Variants in KCNIP1 observed in about 807,000 individuals in gnomAD.
KCNIP1 encodes the protein A-type potassium channel modulatory protein KCNIP1.
In KCNIP1, 18 loss-of-function variants were observed where a neutral mutation model predicts 33.0. That is an observed-to-expected ratio of 0.55 (90% CI 0.38 to 0.81). The LOEUF (loss-of-function observed/expected upper bound fraction) is 0.81. KCNIP1 is among the 30% of genes least tolerant of loss of function. The pLI is 0.00. For missense variants in KCNIP1, 238 were observed against 271.6 expected (o/e 0.88, Z 0.87); for synonymous variants, 93 against 98.3 (o/e 0.95, Z 0.32).
intron 1 of KCNIP1, among the ~76,000 whole-genome samples, chr5:170,610,772 T>C (rs912091470): frequency 6.6e-6 from 1 of 152,214 alleles, no homozygotes; most frequent in Non-Finnish European, 1.5e-5. Context: ...TTATAAATGT[T>C]CCCACGATTA....
In KCNIP1 at chr5:170,453,382, CA is replaced by C. The variant is rs1469498300; in HGVS notation, c.88+99419del. 2.6e-5 allele frequency among the ~76,000 whole-genome samples: 4 copies of C among 152,342 alleles called. No homozygotes were observed. In the East Asian group the frequency reaches 7.7e-4, roughly 29 times the overall value. On this transcript the variant is annotated intron_variant, in intron 1 of 7. Coordinates refer to the KCNIP1 transcript ENST00000377360. ...GAAGGATGGGGAAAGGCAGTTTTCACATATTGCAGCCACCATACCACCAAAG... is the reference window on the plus strand; with the variant it reads ...GAAGGATGGGGAAAGGCAGTTTTCACTATTGCAGCCACCATACCACCAAAG...
upstream of KCNIP1, among the ~76,000 whole-genome samples, chr5:170,501,074 A>G (rs1250992864): frequency 2.6e-5 from 4 of 152,164 alleles, no homozygotes; most frequent in Non-Finnish European, 2.9e-5. Context: ...TCAGTATGTA[A>G]AGCAGTTAAA....
chr5:170,602,530 T>C lies in KCNIP1; in HGVS notation c.61+97897T>C, dbSNP rs1758735842. On this transcript the variant is annotated intron_variant, in intron 1 of 7. Coordinates refer to ENST00000328939, the MANE Select transcript of KCNIP1 (RefSeq NM_014592.4). ...ACCTGCCTGCCGTGCAGTTTGTGAC[T>C]TTTAAGATGGTTGACAGAACATTCC... is the stretch of plus-strand genomic sequence containing the variant. Among the ~76,000 whole-genome samples the C allele has an allele frequency of 2.0e-5, 3 of 152,238 alleles. 1 individual carries two copies. The South Asian group carries it at 6.2e-4, about 32-fold the overall frequency.
At chr5:170,597,799 ATATATATATATATATATAT>A (rs1234479612) in intron 1 of KCNIP1, among the ~76,000 whole-genome samples, 2 of 1,902 alleles carry the variant, frequency 1.1e-3, no homozygotes, top group South Asian at 0.023. Context: ...ATATATATAT[ATATATATATATATATATAT>A]ATATATATAT....
chr5:170,609,443 G>C (rs1759057588), intron 1 of KCNIP1, among the ~76,000 whole-genome samples: 1 of 152,160 alleles, frequency 6.6e-6, no homozygotes, highest in African/African-American at 2.4e-5. Flanking sequence ...TGACGCTCAT[G>C]TTAGCCTAAC....
At chr5:170,447,911 A>G (rs1213557497) in intron 1 of KCNIP1, among the ~76,000 whole-genome samples, 3 of 151,784 alleles carry the variant, frequency 2.0e-5, no homozygotes, top group Non-Finnish European at 4.4e-5. Context: ...CACCTGGAGC[A>G]GGCATTCACC....
chr5:170,676,682 G>A lies in KCNIP1; in HGVS notation c.62-42076G>A, dbSNP rs1463616706. Among the ~76,000 whole-genome samples the A allele has an allele frequency of 3.9e-5, 6 of 152,304 alleles. No homozygotes were observed. The South Asian group carries it at 1.0e-3, about 26-fold the overall frequency. On this transcript the variant is annotated intron_variant, in intron 1 of 7. Coordinates refer to ENST00000328939, the MANE Select transcript of KCNIP1 (RefSeq NM_014592.4). ...CCATGGCAGCAGCAAGCCCTGTTGA[G>A]TCAAGGGCACATGGATGTCACACTG...
At chr5:170,606,748 C>T (rs1460402106) in intron 1 of KCNIP1, among the ~76,000 whole-genome samples, 4 of 152,242 alleles carry the variant, frequency 2.6e-5, no homozygotes, top group South Asian at 4.1e-4. Context: ...TATGTCCACA[C>T]GGCCACGCTC....
intron 1 of KCNIP1, among the ~76,000 whole-genome samples, chr5:170,451,723 TTGTGTGTGTGTGTGTGTGTGTGTGTGTG>T (rs67542248): frequency 1.6e-5 from 2 of 122,902 alleles, no homozygotes; most frequent in African/African-American, 3.2e-5. Flanking sequence ...TTCTCCTGCA[TTGTGTGTGTGTGTGTGTGTGTGTGTGTG>T]TGTGTGTGTG....
chr5:170,637,387 T>G (rs1760328777), intron 1 of KCNIP1, among the ~76,000 whole-genome samples: 1 of 152,134 alleles, frequency 6.6e-6, no homozygotes, highest in Non-Finnish European at 1.5e-5. Flanking sequence ...TTTGAGTCCA[T>G]TCTTCAACCA....
At chr5:170,448,833 A>G (rs574882258) in intron 1 of KCNIP1, among the ~76,000 whole-genome samples, 7 of 152,172 alleles carry the variant, frequency 4.6e-5, no homozygotes, top group Non-Finnish European at 1.0e-4. Context: ...TATGTACCAA[A>G]TGCCTAACAG....
chr5:170,585,600 A>C (rs1757957211), intron 1 of KCNIP1, among the ~76,000 whole-genome samples: 3 of 150,194 alleles, frequency 2.0e-5, no homozygotes, highest in South Asian at 2.1e-4. Flanking sequence ...CCTGCCTCCC[A>C]CCTCTCACCC....
intron 1 of KCNIP1, among the ~76,000 whole-genome samples, chr5:170,544,118 A>G (rs1465427375): frequency 2.0e-5 from 3 of 152,208 alleles, no homozygotes; most frequent in Non-Finnish European, 4.4e-5. Context: ...CAAATTCAAG[A>G]TAACCGACAA....
At chr5:170,431,888 C>G (rs949271850) in intron 1 of KCNIP1, among the ~76,000 whole-genome samples, 13 of 152,260 alleles carry the variant, frequency 8.5e-5, no homozygotes, top group African/African-American at 2.9e-4. Context: ...TCCACTGACA[C>G]CTGCCTCTGC....
At chr5:170,454,807 T>C (rs1192166991) in intron 1 of KCNIP1, among the ~76,000 whole-genome samples, 1 of 152,226 alleles carries the variant, frequency 6.6e-6, no homozygotes, top group Non-Finnish European at 1.5e-5. Context: ...ACAGATTATC[T>C]AGTCTGTGTA....
chr5:170,514,913 C>T (rs181014969), intron 1 of KCNIP1, among the ~76,000 whole-genome samples: 60 of 152,332 alleles, frequency 3.9e-4, no homozygotes, highest in African/African-American at 1.3e-3. Flanking sequence ...CCACTCTAAG[C>T]GCTTTCGGTA....
chr5:170,573,782 G>T (rs76965999), intron 1 of KCNIP1, among the ~76,000 whole-genome samples: 5,775 of 152,334 alleles, frequency 0.038, 144 homozygotes, highest in Non-Finnish European at 0.05. Context: ...AAAGACAGTG[G>T]AGTTGAGTCA....
At chr5:170,726,878 T>G (rs1227430705) in intron 5 of KCNIP1, among the ~76,000 whole-genome samples, 1 of 150,592 alleles carries the variant, frequency 6.6e-6, no homozygotes, top group Non-Finnish European at 1.5e-5. Context: ...ACCACTGCAC[T>G]CCAGCCTGGG....
At chr5:170,661,947 A>G (rs574434875) in intron 1 of KCNIP1, among the ~76,000 whole-genome samples, 2 of 152,292 alleles carry the variant, frequency 1.3e-5, no homozygotes, top group African/African-American at 4.8e-5. Context: ...AGGCTCGAGC[A>G]CAACGCAGCA....
Sources: allele counts gnomAD v4.1 joint callset (sites outside exome capture counted in the v4.1 genomes callset), GRCh38; gene constraint gnomAD v4.1.1; transcripts MANE v1.5; gene names NCBI Gene and HGNC (gene_info 2026-07-23, HGNC 2026-07-21).